ANK3: variants seen among roughly 807,000 people sequenced by gnomAD.
ANK3 encodes ankyrin 3.
ANK3 carries 57 observed loss-of-function variants against 370.9 expected under a neutral mutation model. That is an observed-to-expected ratio of 0.15 (90% confidence interval 0.12 to 0.19). The LOEUF is 0.19. Ranked by LOEUF, ANK3 falls within the 10% of genes least tolerant of loss-of-function variation. The pLI is 1.00. For synonymous variants in ANK3, 1,929 were observed against 1,946.3 expected (o/e 0.99, Z 0.23); for missense variants, 4,439 against 5,302.1 (o/e 0.84, Z 5.06).
intron 1 of ANK3, among the ~76,000 whole-genome samples, chr10:60,689,370 G>A (rs547071855): frequency 6.6e-6 from 1 of 152,290 alleles, no homozygotes; most frequent in South Asian, 2.1e-4. Flanking sequence ...CTGCAGTGCA[G>A]CCTGAGCAAC....
At chr10:60,300,843 C>T (rs977719556) in intron 1 of ANK3, among the ~76,000 whole-genome samples, 1 of 151,986 alleles carries the variant, frequency 6.6e-6, no homozygotes, top group Admixed American at 6.6e-5. Context: ...TATTATTGGG[C>T]TTTTTAAACT....
At chr10:60,527,258 G>A (rs1387265468) in intron 2 of ANK3, among the ~76,000 whole-genome samples, 2 of 152,096 alleles carry the variant, frequency 1.3e-5, no homozygotes, top group Non-Finnish European at 2.9e-5. Context: ...AGCTCCCTAG[G>A]TAAGCCTAAC....
chr10:60,730,564 T>A (rs1011752365), intron 1 of ANK3, among the ~76,000 whole-genome samples: 9 of 152,312 alleles, frequency 5.9e-5, no homozygotes, highest in African/African-American at 2.2e-4. Context: ...AATTGTATCA[T>A]GGATAGAAGG....
chr10:60,456,220 C>CA (rs1035543430), intron 2 of ANK3, among the ~76,000 whole-genome samples: 10 of 152,198 alleles, frequency 6.6e-5, no homozygotes, highest in African/African-American at 1.7e-4. Context: ...TGAGAGCCGG[C>CA]AAAAAAATCC....
chr10:60,251,268 G>A (rs923346847), intron 7 of ANK3, among the ~76,000 whole-genome samples: 2 of 152,088 alleles, frequency 1.3e-5, no homozygotes, highest in African/African-American at 2.4e-5. Flanking sequence ...CTGACCAACC[G>A]CTCTCTGGGG....
chr10:60,649,646 A>C (rs1373651017), intron 1 of ANK3, among the ~76,000 whole-genome samples: 2 of 152,216 alleles, frequency 1.3e-5, no homozygotes, highest in Non-Finnish European at 2.9e-5. Flanking sequence ...TTTAAACTAC[A>C]ATCTACTGAG....
chr10:60,729,257 C>T (rs935046980), intron 1 of ANK3, among the ~76,000 whole-genome samples: 1 of 151,984 alleles, frequency 6.6e-6, no homozygotes, highest in African/African-American at 2.4e-5. Context: ...TGCCAGATTC[C>T]CTATAAAGCA....
chr10:60,703,860 A>G (rs1373646331), intron 1 of ANK3, among the ~76,000 whole-genome samples: 1 of 152,176 alleles, frequency 6.6e-6, no homozygotes, highest in Non-Finnish European at 1.5e-5. Flanking sequence ...ACAGTGTTCC[A>G]ATGAACACCT....
chr10:60,584,544 G>C lies in ANK3; in HGVS notation c.96+30642C>G, dbSNP rs577083401. ...GAGGCTAGAGGATCACTTGAGCCAG[G>C]AGTTTGAGGCTGCAATGAGCTATAA... On this transcript the variant is annotated intron_variant, in intron 2 of 43. Transcript: ENST00000373827. Among the ~76,000 whole-genome samples the C allele has an allele frequency of 3.0e-3, 458 of 152,246 alleles. 6 individuals carry two copies. The highest frequency in any genetic ancestry group is 0.011 in the African/African-American group (438 of 41,542).
At position 60,093,362 on chromosome 10, in the gene ANK3, G is replaced by T. The variant is rs145368131; in HGVS notation, c.3329-5004C>A. On this transcript the variant is annotated intron_variant, in intron 28 of 43. Coordinates refer to ENST00000280772, the MANE Select transcript of ANK3 (RefSeq NM_020987.5). ...TTCAAAATGGCTCAGGACTCCTTAT[G>T]GTGCTAGCAATTTAAGAAGACAGAT... Among the ~76,000 whole-genome samples the T allele has an allele frequency of 4.8e-3, 724 of 152,256 alleles. 2 individuals carry two copies. Among genetic ancestry groups the T allele is most frequent in the South Asian group, 0.019 (90 of 4,820 alleles).
At chr10:60,249,818 C>T (rs901384217) in intron 7 of ANK3, among the ~76,000 whole-genome samples, 1 of 152,132 alleles carries the variant, frequency 6.6e-6, no homozygotes, top group African/African-American at 2.4e-5. Flanking sequence ...CCACTGAGCA[C>T]CGTGCTGACT....
intron 2 of ANK3, among the ~76,000 whole-genome samples, chr10:60,549,383 T>G (rs1056178861): frequency 1.3e-5 from 2 of 152,226 alleles, no homozygotes; most frequent in Admixed American, 6.5e-5. Context: ...ATTAACTTAC[T>G]GCAGTTTAAT....
intron 2 of ANK3, among the ~76,000 whole-genome samples, chr10:60,609,537 C>CT (rs34817175): frequency 1.5e-3 from 229 of 149,690 alleles, no homozygotes; most frequent in African/African-American, 5.2e-3. Flanking sequence ...TTCTTTTTTC[C>CT]TTTTTTTTTT....
intron 2 of ANK3, among the ~76,000 whole-genome samples, chr10:60,594,205 A>G (rs1020344373): frequency 1.3e-5 from 2 of 152,150 alleles, no homozygotes; most frequent in Admixed American, 6.5e-5. Context: ...AAATCTTTCT[A>G]CCTACCTTTC....
At chr10:60,325,016 A>G (rs567526459) in intron 1 of ANK3, among the ~76,000 whole-genome samples, 1 of 152,354 alleles carries the variant, frequency 6.6e-6, no homozygotes, top group East Asian at 1.9e-4. Flanking sequence ...TTTAACTCTT[A>G]GCCCGTCACT....
At chr10:60,654,751 T>C (rs1165662642) in intron 1 of ANK3, among the ~76,000 whole-genome samples, 1 of 151,810 alleles carries the variant, frequency 6.6e-6, no homozygotes, top group African/African-American at 2.4e-5. Flanking sequence ...TAGGTTTTTT[T>C]CCTTATAATG....
chr10:60,123,071 T>G (rs2093585176), intron 25 of ANK3, among the ~76,000 whole-genome samples: 1 of 152,188 alleles, frequency 6.6e-6, no homozygotes, highest in Non-Finnish European at 1.5e-5. Flanking sequence ...TGGAGCCATT[T>G]GACAGATGAG....
Position 60,069,261 on chromosome 10 carries a change from CTT to C in ANK3, c.11618_11619del (p.Lys3873ArgfsTer12). ...SKLPIKATSP[K>X]DTFPPNHMSN... The stretch of plus-strand genomic sequence containing the variant: ...GACATATGGTTCGGTGGGAAGGTAT[CTT>C]TTGGTGAAGTGGCCTTTATGGGAAG... On this transcript the variant is annotated frameshift_variant, in exon 37 of 44. Coordinates refer to ENST00000280772, the MANE Select transcript of ANK3 (RefSeq NM_020987.5). LOFTEE classifies it high-confidence loss of function. 1 of 1,614,136 alleles carries C rather than the reference CTT, an allele frequency of 6.2e-7. No homozygotes were observed. The highest frequency in any genetic ancestry group is 8.5e-7 in the Non-Finnish European group (1 of 1,180,006).
rs777009842 is a variant in ANK3, at chr10:60,088,217, G to A, written c.3470C>T (p.Thr1157Ile). ...AGATGCTTGAACAAGGGGCACTGTG[G>A]TGCTGCTCAGAATTCCACCTTCAGG... The part of the protein sequence containing the change: ...IGPEGGILSS[T>I]TVPLVQASFP... The change falls in exon 29 of 44, where the codon ACC becomes ATC. Residue 1157 changes from threonine (T) to isoleucine (I), a missense_variant. By Grantham distance (89) the Thr-to-Ile change is moderately conservative. Coordinates refer to ENST00000280772, the MANE Select transcript of ANK3 (RefSeq NM_020987.5). 6.2e-6 allele frequency: 10 copies of A among 1,614,184 alleles called. No individual in the cohort carries two copies. Among genetic ancestry groups the A allele is most frequent in the Admixed American group, 3.3e-5 (2 of 60,034 alleles).
Sources: allele counts gnomAD v4.1 joint callset (sites outside exome capture counted in the v4.1 genomes callset), GRCh38; gene constraint gnomAD v4.1.1; transcripts MANE v1.5; gene names NCBI Gene and HGNC (gene_info 2026-07-23, HGNC 2026-07-21).